The following RTL4 variants were observed in gnomAD, a reference collection of about 807,000 sequenced individuals.
RTL4 encodes the protein retrotransposon Gag like 4.
Under a neutral mutation model 5.3 loss-of-function variants are expected in RTL4, and 4 were observed. The observed-to-expected ratio is 0.75, with a 90% CI of 0.37 to 1.72. RTL4 has a LOEUF of 1.72. Among genes scored for constraint, RTL4 ranks in the 40% most tolerant of loss-of-function variants. RTL4 has a pLI of 0.04. For synonymous variants in RTL4, 98 were observed against 87.3 expected (o/e 1.12, Z -0.68); for missense variants, 260 against 227.1 (o/e 1.14, Z -0.93).
At chrX:112,435,770 G>T in the RTL4 span, among the ~76,000 whole-genome samples, 1 of 112,164 alleles carries the variant, frequency 8.9e-6, no homozygotes, top group African/African-American at 3.2e-5. Flanking sequence ...TTTAAAATTT[G>T]TTTTTTAAGC....
At chrX:112,432,928 C>T in the RTL4 span, among the ~76,000 whole-genome samples, 1 of 111,780 alleles carries the variant, frequency 8.9e-6, no homozygotes, top group Non-Finnish European at 1.9e-5. Flanking sequence ...AGGAAGGAAT[C>T]CAGTTTCAGC....
At chrX:112,452,422 C>A (rs1926756468), upstream of RTL4, among the ~76,000 whole-genome samples, 1 of 109,571 alleles carries the variant, frequency 9.1e-6, no homozygotes, top group African/African-American at 3.3e-5. Flanking sequence ...ATCATTAACC[C>A]TTATTGAAGA....
At chrX:112,201,973 T>TTGTG in the RTL4 span, among the ~76,000 whole-genome samples, 422 of 103,412 alleles carry the variant, frequency 4.1e-3, 1 homozygote, top group Middle Eastern at 1.0e-2. Context: ...TTGTGTGTGT[T>TTGTG]TGTGTGTGTG....
chrX:112,319,239 T>C, the RTL4 span, among the ~76,000 whole-genome samples: 2 of 112,150 alleles, frequency 1.8e-5, no homozygotes, highest in Non-Finnish European at 3.8e-5. Context: ...TTGTAAAGTC[T>C]AGTTAGTTCT....
At chrX:112,343,467 C>T in the RTL4 span, among the ~76,000 whole-genome samples, 1,223 of 111,907 alleles carry the variant, frequency 0.011, 8 homozygotes, top group Middle Eastern at 0.023. Flanking sequence ...CTGTAGCACG[C>T]CAGCACCATG....
the RTL4 span, among the ~76,000 whole-genome samples, chrX:112,334,275 C>A: frequency 1.8e-5 from 2 of 111,926 alleles, no homozygotes; most frequent in African/African-American, 6.5e-5. Context: ...GAGCAGATAT[C>A]CCTGTGATAT....
chrX:112,201,102 GA>G, the RTL4 span, among the ~76,000 whole-genome samples: 1 of 111,358 alleles, frequency 9.0e-6, no homozygotes, highest in East Asian at 2.8e-4. Flanking sequence ...ATGACAGAAG[GA>G]GAAGCAAGGC....
At chrX:112,107,089 T>C in the RTL4 span, among the ~76,000 whole-genome samples, 1 of 111,714 alleles carries the variant, frequency 9.0e-6, no homozygotes, top group Non-Finnish European at 1.9e-5. Context: ...AAAATTACTA[T>C]AGGTTTTTGC....
the RTL4 span, among the ~76,000 whole-genome samples, chrX:112,393,966 C>T: frequency 9.8e-5 from 11 of 111,791 alleles, no homozygotes; most frequent in African/African-American, 3.6e-4. Context: ...TGGGTCTCTG[C>T]GTGTGCCAGA....
chrX:112,266,106 A>G, the RTL4 span, among the ~76,000 whole-genome samples: 1 of 110,625 alleles, frequency 9.0e-6, no homozygotes, highest in African/African-American at 3.3e-5. Flanking sequence ...CGAGGCACAC[A>G]TTTCACTGGA....
At chrX:112,095,139 T>C in the RTL4 span, among the ~76,000 whole-genome samples, 6 of 111,621 alleles carry the variant, frequency 5.4e-5, no homozygotes, top group African/African-American at 1.9e-4. Context: ...ACCTCTTCCA[T>C]TATAACATGA....
chrX:112,437,947 C>T, the RTL4 span, among the ~76,000 whole-genome samples: 21 of 109,816 alleles, frequency 1.9e-4, no homozygotes, highest in African/African-American at 5.3e-4. Flanking sequence ...GCTTAGTGTC[C>T]ATTTTGTAAG....
At chrX:112,146,243 G>C in the RTL4 span, among the ~76,000 whole-genome samples, 3 of 111,453 alleles carry the variant, frequency 2.7e-5, no homozygotes, top group African/African-American at 9.8e-5. Flanking sequence ...TTGGAGATGG[G>C]ATGGAAGGAA....
chrX:112,145,647 TA>T, the RTL4 span, among the ~76,000 whole-genome samples: 1 of 111,448 alleles, frequency 9.0e-6, no homozygotes, highest in East Asian at 2.8e-4. Flanking sequence ...TGTAAACAAG[TA>T]AAAAAAGTGT....
chrX:112,350,777 C>T, the RTL4 span, among the ~76,000 whole-genome samples: 3 of 111,050 alleles, frequency 2.7e-5, no homozygotes, highest in Admixed American at 9.6e-5. Flanking sequence ...ATTAGTCTTG[C>T]TAGTGGTCTA....
At chrX:112,186,990 T>G in the RTL4 span, among the ~76,000 whole-genome samples, 4 of 111,676 alleles carry the variant, frequency 3.6e-5, no homozygotes, top group African/African-American at 6.5e-5. Context: ...TCTCCCAGGT[T>G]GATGTTAGTT....
chrX:112,266,532 A>T, the RTL4 span, among the ~76,000 whole-genome samples: 1 of 111,245 alleles, frequency 9.0e-6, no homozygotes, highest in Non-Finnish European at 1.9e-5. Context: ...GTTGGATAGG[A>T]TATTTCTTGC....
At chrX:112,084,173 G>T in the RTL4 span, among the ~76,000 whole-genome samples, 2 of 110,958 alleles carry the variant, frequency 1.8e-5, no homozygotes, top group Non-Finnish European at 3.8e-5. Context: ...TTTCATTGCG[G>T]AGCCTGTGAA....
chrX:112,367,042 T>C, the RTL4 span, among the ~76,000 whole-genome samples: 1 of 111,718 alleles, frequency 9.0e-6, no homozygotes, highest in Non-Finnish European at 1.9e-5. Flanking sequence ...TACAAAGAAC[T>C]ACGAATGGTC....
Sources: allele counts gnomAD v4.1 joint callset (sites outside exome capture counted in the v4.1 genomes callset), GRCh38; gene constraint gnomAD v4.1.1; transcripts MANE v1.5; gene names NCBI Gene and HGNC (gene_info 2026-07-23, HGNC 2026-07-21).